Variants in LRRK2 observed in about 807,000 individuals in gnomAD.
LRRK2 encodes the protein leucine-rich repeat serine/threonine-protein kinase 2.
Under a neutral mutation model 302.6 loss-of-function variants are expected in LRRK2, and 203 were observed. That is an observed-to-expected ratio of 0.67 (90% CI 0.60 to 0.75). LRRK2 has a LOEUF of 0.75. LRRK2 is among the 30% of genes least tolerant of loss of function. The pLI, the probability that LRRK2 is intolerant of heterozygous loss-of-function variation, is 0.00. For synonymous variants in LRRK2, 1,066 were observed against 1,031.9 expected, an observed-to-expected ratio of 1.03 and a Z score of -0.63; for missense variants, 2,830 against 2,951.0, an observed-to-expected ratio of 0.96 and a Z score of 0.95.
rs750043939 is a variant in LRRK2, at chr12:40,367,725, A to G, written c.7544A>G (p.Lys2515Arg). 8 of 1,605,164 alleles carry G rather than the reference A, an allele frequency of 5.0e-6. No individual in the cohort carries two copies. The highest frequency in any genetic ancestry group is 6.8e-6 in the Non-Finnish European group (8 of 1,174,788). The change falls in exon 51 of 51, where the codon AAA becomes AGA. Residue 2515 changes from lysine to arginine, a missense_variant. Physicochemically the swap from Lys to Arg is conservative, Grantham distance 26 (BLOSUM62 2). Transcript: ENST00000298910. ...QNLEKHIEVRKELAEKMRRTS... is the reference protein window; with the variant it reads ...QNLEKHIEVRRELAEKMRRTS... ...TTAGAAAAACACATTGAAGTGAGAA[A>G]AGAATTAGCTGAAAAAATGAGACGA...
Position 40,367,701 on chromosome 12 carries a change from T to C in LRRK2, c.7520T>C (p.Leu2507Ser). 3 of 1,604,338 alleles carry C rather than the reference T, an allele frequency of 1.9e-6. No individual in the cohort carries two copies. The highest frequency in any genetic ancestry group is 2.6e-6 in the Non-Finnish European group (3 of 1,174,300). Residue 2507 changes from leucine (L) to serine (S), a missense_variant, in exon 51 of 51, where the codon TTA (leucine) becomes TCA (serine). This residue lies in a region of LRRK2 where 456 missense variants were observed against 456.3 expected (regional missense o/e 1.00). Coordinates refer to ENST00000298910, the MANE Select transcript of LRRK2 (RefSeq NM_198578.4). ...AATCTTCCACATGAAGTGCAAAATT[T>C]AGAAAAACACATTGAAGTGAGAAAA... The part of the protein sequence containing the change: ...DINLPHEVQN[L>S]EKHIEVRKEL...
At chr12:40,352,117 G>A (rs1054934049) in intron 44 of LRRK2, among the ~76,000 whole-genome samples, 1 of 152,180 alleles carries the variant, frequency 6.6e-6, no homozygotes, top group African/African-American at 2.4e-5. Context: ...CCCACTGCCA[G>A]GCAAGGGAGC....
intron 25 of LRRK2, among the ~76,000 whole-genome samples, chr12:40,300,160 AT>A (rs1358247039): frequency 2.0e-5 from 3 of 152,186 alleles, no homozygotes; most frequent in Non-Finnish European, 4.4e-5. Context: ...AAAATTAATC[AT>A]TTAATGGTTT....
At chr12:40,334,330 A>G (rs977579985) in intron 39 of LRRK2, among the ~76,000 whole-genome samples, 7 of 152,324 alleles carry the variant, frequency 4.6e-5, no homozygotes, top group African/African-American at 1.4e-4. Flanking sequence ...TTTAATTCTG[A>G]CAGTACAGTT....
chr12:40,266,570 CAA>C (rs1943023856), intron 14 of LRRK2, among the ~76,000 whole-genome samples: 1 of 152,092 alleles, frequency 6.6e-6, no homozygotes, highest in African/African-American at 2.4e-5. Context: ...TAAACTAGTT[CAA>C]CCATTGTGGA....
intron 2 of LRRK2, among the ~76,000 whole-genome samples, chr12:40,227,161 T>C (rs562005359): frequency 1.8e-3 from 275 of 152,322 alleles, no homozygotes; most frequent in Middle Eastern, 3.4e-3. Flanking sequence ...GAAGAGTTTT[T>C]TTAAAAGTAA....
chr12:40,299,825 T>G (rs534481082), intron 25 of LRRK2, among the ~76,000 whole-genome samples: 7 of 152,122 alleles, frequency 4.6e-5, no homozygotes, highest in African/African-American at 1.7e-4. Flanking sequence ...AAAATGTGTG[T>G]GGGGTGGTGG....
intron 43 of LRRK2, among the ~76,000 whole-genome samples, chr12:40,351,023 A>G (rs1273992073): frequency 6.6e-6 from 1 of 152,146 alleles, no homozygotes; most frequent in African/African-American, 2.4e-5. Context: ...TGGCCATGTC[A>G]CAGCTCTAAT....
chr12:40,321,973 T>A, intron 35 of LRRK2, 62 bp from the exon 36 acceptor site: 5 of 1,518,762 alleles, frequency 3.3e-6, no homozygotes, highest in Non-Finnish European at 4.6e-6. Flanking sequence ...TTGTGTTGTG[T>A]GCAGTAGATT....
intron 23 of LRRK2, among the ~76,000 whole-genome samples, chr12:40,296,087 T>C (rs73102746): frequency 0.12 from 18,350 of 152,138 alleles, 1,313 homozygotes; most frequent in African/African-American, 0.14. Flanking sequence ...ATCTGTGAAA[T>C]AGAGATTCAA....
Position 40,348,467 on chromosome 12 carries a change from G to C in LRRK2, c.6339G>C (p.Gln2113His). The change falls in exon 43 of 51, where the codon CAG becomes CAC. Residue 2113 changes from glutamine to histidine, a missense_variant. Transcript: ENST00000298910. The part of the protein sequence containing the change: ...PWPMVEKLIK[Q>H]CLKENPQERP... Reference sequence around the variant, plus strand: ...CTATGGTTGAGAAATTAATTAAACAGTGTTTGAAAGAAAATCCTCAAGAAA... The same window carrying C: ...CTATGGTTGAGAAATTAATTAAACACTGTTTGAAAGAAAATCCTCAAGAAA... 3 of 1,613,012 alleles carry C rather than the reference G, an allele frequency of 1.9e-6. No homozygotes were observed. Among genetic ancestry groups the C allele is most frequent in the Non-Finnish European group, 2.5e-6 (3 of 1,179,252 alleles).
intron 18 of LRRK2, among the ~76,000 whole-genome samples, chr12:40,279,256 A>T (rs1424671163): frequency 7.6e-6 from 1 of 131,094 alleles, no homozygotes; most frequent in East Asian, 2.2e-4. Context: ...TCCCTACTGT[A>T]TTTAATATCC....
intron 11 of LRRK2, 63 bp from the exon 12 acceptor site, chr12:40,257,185 G>A (rs1942556798): frequency 8.1e-7 from 1 of 1,234,428 alleles, no homozygotes; most frequent in Admixed American, 1.8e-5. Context: ...ATATTCTAAA[G>A]CTTATGGTAA....
chr12:40,266,564 C>G (rs1195152455), intron 14 of LRRK2, among the ~76,000 whole-genome samples: 2 of 152,094 alleles, frequency 1.3e-5, no homozygotes, highest in Non-Finnish European at 2.9e-5. Context: ...GGACTGTAAA[C>G]TAGTTCAACC....
chr12:40,309,649 T>A (rs780565993), intron 30 of LRRK2, among the ~76,000 whole-genome samples: 58 of 152,168 alleles, frequency 3.8e-4, no homozygotes, highest in Non-Finnish European at 6.9e-4. Context: ...TTGTATCCTT[T>A]AAGTGGTCCC....
At chr12:40,294,539 G>A (rs553237937) in intron 21 of LRRK2, among the ~76,000 whole-genome samples, 6 of 151,994 alleles carry the variant, frequency 3.9e-5, no homozygotes, top group Non-Finnish European at 8.8e-5. Flanking sequence ...TATAAATTTA[G>A]TTATAAAAAG....
At chr12:40,289,560 A>T (rs1194045312) in intron 20 of LRRK2, among the ~76,000 whole-genome samples, 1 of 149,166 alleles carries the variant, frequency 6.7e-6, no homozygotes, top group Non-Finnish European at 1.5e-5. Context: ...TAATTTATAT[A>T]GATTATATCT....
At chr12:40,321,725 A>G (rs1169012010) in intron 35 of LRRK2, among the ~76,000 whole-genome samples, 1 of 152,090 alleles carries the variant, frequency 6.6e-6, no homozygotes, top group Non-Finnish European at 1.5e-5. Context: ...TGCGTTTAGC[A>G]TGATCAAAAA....
intron 45 of LRRK2, among the ~76,000 whole-genome samples, chr12:40,355,670 G>A (rs1160898084): frequency 6.6e-6 from 1 of 151,840 alleles, no homozygotes; most frequent in African/African-American, 2.4e-5. Flanking sequence ...AGCCTCCTGA[G>A]TAGCTGGGAT....
Sources: allele counts gnomAD v4.1 joint callset (sites outside exome capture counted in the v4.1 genomes callset), GRCh38; gene constraint gnomAD v4.1.1; regional missense constraint gnomAD v4.1.1; transcripts MANE v1.5; gene names NCBI Gene and HGNC (gene_info 2026-07-23, HGNC 2026-07-21).